FGF12: variants seen among roughly 807,000 people sequenced by gnomAD.
FGF12 encodes the protein fibroblast growth factor 12, also known as fibroblast growth factor 12B.
Under a neutral mutation model 23.6 loss-of-function variants are expected in FGF12, and 14 were observed. The ratio of observed to expected loss-of-function variants is 0.59; its 90% CI spans 0.39 to 0.93. The LOEUF (loss-of-function observed/expected upper bound fraction) is 0.93. Ranked by LOEUF, FGF12 falls within the 40% of genes least tolerant of loss-of-function variation. The pLI, the probability that FGF12 is intolerant of heterozygous loss-of-function variation, is 0.00. For synonymous variants in FGF12, 62 were observed against 77.3 expected, an observed-to-expected ratio of 0.80 and a Z score of 1.04; for missense variants, 175 against 217.8, an observed-to-expected ratio of 0.80 and a Z score of 1.24.
At chr3:192,518,698 G>A (rs1724738584) in intron 2 of FGF12, among the ~76,000 whole-genome samples, 1 of 151,966 alleles carries the variant, frequency 6.6e-6, no homozygotes. Context: ...ATCTAACATG[G>A]CATTTTTGTT....
chr3:192,534,100 A>T (rs1725165706), intron 2 of FGF12: 1 of 186,712 alleles, frequency 5.4e-6, no homozygotes, highest in Non-Finnish European at 1.2e-5. Context: ...ATGCTTACGA[A>T]CTACAAAAGG....
intron 2 of FGF12, among the ~76,000 whole-genome samples, chr3:192,716,196 A>G (rs1481278132): frequency 6.6e-6 from 1 of 152,092 alleles, no homozygotes; most frequent in African/African-American, 2.4e-5. Context: ...TGAATCAGAA[A>G]CCCTAGGGGT....
At chr3:192,504,085 G>A (rs1475045612) in intron 2 of FGF12, among the ~76,000 whole-genome samples, 1 of 151,882 alleles carries the variant, frequency 6.6e-6, no homozygotes, top group African/African-American at 2.4e-5. Flanking sequence ...AACTAACACA[G>A]GAACAGAAAA....
chr3:192,536,294 C>T (rs561016750), intron 2 of FGF12, among the ~76,000 whole-genome samples: 2 of 152,112 alleles, frequency 1.3e-5, no homozygotes, highest in Non-Finnish European at 2.9e-5. Context: ...CTATCTGGCT[C>T]TTAGCAGAAA....
chr3:192,361,656 C>G (rs937769384), intron 2 of FGF12, among the ~76,000 whole-genome samples: 3 of 152,164 alleles, frequency 2.0e-5, no homozygotes, highest in Admixed American at 6.5e-5. Flanking sequence ...ATGGCAGGCA[C>G]TGTGTGTTAC....
At chr3:192,455,513 G>T (rs78566647) in intron 2 of FGF12, among the ~76,000 whole-genome samples, 3,192 of 152,244 alleles carry the variant, frequency 0.021, 140 homozygotes, top group African/African-American at 0.073. Context: ...GTCAGGGCTG[G>T]CCCCTTCTGC....
chr3:192,499,967 T>C (rs1340345884), intron 2 of FGF12, among the ~76,000 whole-genome samples: 2 of 152,200 alleles, frequency 1.3e-5, no homozygotes, highest in Non-Finnish European at 2.9e-5. Context: ...CCTAAAATCT[T>C]TGTTGCAATA....
rs1266458829 is a variant in FGF12, at chr3:192,514,992, C to T, written c.14-154454G>A. On this transcript the variant is annotated intron_variant, in intron 2 of 5. Coordinates refer to ENST00000445105, the MANE Select transcript of FGF12 (RefSeq NM_004113.6). The surrounding 1 kb of genome is among the most constrained non-coding windows in gnomAD (Gnocchi z 4.9). ...GAGAGCCCGAGGCGCTGCCACCCCTCGGTGGGCTCGAGCACGGCCCCTTGA... is the reference window on the plus strand; with the variant it reads ...GAGAGCCCGAGGCGCTGCCACCCCTTGGTGGGCTCGAGCACGGCCCCTTGA... 1 of 343,784 alleles carries T rather than the reference C, an allele frequency of 2.9e-6. No homozygotes were observed. The highest frequency in any genetic ancestry group is 2.2e-5 in the African/African-American group (1 of 44,914). 21.3% of individuals were successfully genotyped at this position (343,784 alleles called of 1,614,324 possible).
Position 192,360,563 on chromosome 3 carries a change from A to G in FGF12, c.14-25T>C, listed in dbSNP as rs1487984327. 6.5e-7 allele frequency: 1 copy of G among 1,540,162 alleles called. No homozygotes were observed. Among genetic ancestry groups the G allele is most frequent in the Non-Finnish European group, 9.0e-7 (1 of 1,112,884 alleles). ...TCTGCAAAACAAAATAATTATTCAA[A>G]TTTTTATTTGGCTTACACAAATGCA... On this transcript the variant is annotated intron_variant, in intron 2 of 5. Coordinates refer to ENST00000445105, the MANE Select transcript of FGF12 (RefSeq NM_004113.6). This position sits in a 1 kb window ranked among gnomAD's most constrained non-coding sequence, Gnocchi z 4.3.
intron 2 of FGF12, among the ~76,000 whole-genome samples, chr3:192,620,396 A>G (rs1246890900): frequency 6.6e-6 from 1 of 152,202 alleles, no homozygotes; most frequent in East Asian, 1.9e-4. Flanking sequence ...CAGGGCCCAT[A>G]TTTCATCTAC....
intron 2 of FGF12, among the ~76,000 whole-genome samples, chr3:192,605,944 A>G (rs2708314): frequency 0.33 from 50,289 of 152,070 alleles, 8,620 homozygotes; most frequent in African/African-American, 0.41. Flanking sequence ...TATAGCCACA[A>G]TGGAAAGAAG....
intron 2 of FGF12, among the ~76,000 whole-genome samples, chr3:192,508,831 T>A (rs1224531617): frequency 1.3e-5 from 2 of 152,208 alleles, no homozygotes; most frequent in Non-Finnish European, 2.9e-5. Context: ...CTTTTCAAGC[T>A]CAGAGAGATT....
chr3:192,654,624 C>T (rs1052473367), intron 2 of FGF12, among the ~76,000 whole-genome samples: 1 of 152,126 alleles, frequency 6.6e-6, no homozygotes, highest in African/African-American at 2.4e-5. Context: ...AGATGAAAAG[C>T]AGAGGCTTAC....
intron 2 of FGF12, among the ~76,000 whole-genome samples, chr3:192,669,103 C>T (rs373623501): frequency 4.6e-5 from 7 of 152,094 alleles, no homozygotes; most frequent in African/African-American, 1.7e-4. Context: ...TAAAATATGG[C>T]TATTGGAATA....
intron 2 of FGF12, chr3:192,515,475 C>G (rs536989160): frequency 1.3e-5 from 2 of 152,404 alleles, no homozygotes; most frequent in Non-Finnish European, 2.9e-5. Context: ...AGTCTGGACA[C>G]CTGGATTTTC....
chr3:192,210,755 T>A (rs1243529448), intron 4 of FGF12, among the ~76,000 whole-genome samples: 1 of 152,168 alleles, frequency 6.6e-6, no homozygotes, highest in Non-Finnish European at 1.5e-5. Flanking sequence ...AGAGAGACAG[T>A]CATGTAATAA....
intron 4 of FGF12, among the ~76,000 whole-genome samples, chr3:192,331,067 T>C (rs958076416): frequency 5.3e-5 from 8 of 152,044 alleles, no homozygotes; most frequent in African/African-American, 1.9e-4. Flanking sequence ...AATAGACATG[T>C]CACCAAAGAA....
intron 2 of FGF12, among the ~76,000 whole-genome samples, chr3:192,501,358 G>A (rs1413066538): frequency 1.3e-5 from 2 of 152,150 alleles, no homozygotes; most frequent in Non-Finnish European, 1.5e-5. Context: ...GTGTATTGGT[G>A]TTTGTTACCA....
intron 2 of FGF12, among the ~76,000 whole-genome samples, chr3:192,373,658 G>T (rs1317921391): frequency 3.3e-5 from 5 of 152,210 alleles, no homozygotes; most frequent in Middle Eastern, 6.8e-3. Context: ...AACATGGGTT[G>T]GGTGCTATAA....
Sources: gnomAD v4.1 joint callset for allele counts (sites outside exome capture counted in the v4.1 genomes callset) on GRCh38, gnomAD v4.1.1 for gene constraint, Gnocchi (gnomAD v3.1) non-coding constraint, MANE v1.5 for transcripts, NCBI Gene and HGNC (gene_info 2026-07-23, HGNC 2026-07-21) for gene names.